Variants in MSTO1 observed in about 807,000 individuals in gnomAD.
MSTO1 encodes misato mitochondrial distribution and morphology regulator 1.
A neutral mutation model predicts 55.7 loss-of-function variants in MSTO1; 24 were observed. The observed-to-expected ratio is 0.43, with a 90% CI of 0.31 to 0.61. The LOEUF (loss-of-function observed/expected upper bound fraction) is 0.61. MSTO1 is among the 20% of genes least tolerant of loss of function. MSTO1 has a pLI of 0.09. For synonymous variants in MSTO1, 162 were observed against 252.8 expected, an observed-to-expected ratio of 0.64 and a Z score of 3.41; for missense variants, 363 against 625.7, an observed-to-expected ratio of 0.58 and a Z score of 4.48.
the MSTO1 span, among the ~76,000 whole-genome samples, chr1:155,569,498 C>T: frequency 7.3e-6 from 1 of 137,476 alleles, no homozygotes; most frequent in Non-Finnish European, 1.5e-5. Context: ...AGTGCAATGG[C>T]GCAATCTCAG....
chr1:155,587,296 C>T, the MSTO1 span, among the ~76,000 whole-genome samples: 2 of 151,404 alleles, frequency 1.3e-5, no homozygotes, highest in Non-Finnish European at 2.9e-5. Flanking sequence ...CAAAATTAGC[C>T]GGGCGTGGTG....
the MSTO1 span, among the ~76,000 whole-genome samples, chr1:155,588,110 G>A: frequency 6.6e-6 from 1 of 151,454 alleles, no homozygotes; most frequent in East Asian, 1.9e-4. Flanking sequence ...TCGGGAGGCT[G>A]TGGCAGGAGA....
the MSTO1 span, among the ~76,000 whole-genome samples, chr1:155,596,692 T>C: frequency 6.6e-6 from 1 of 152,086 alleles, no homozygotes; most frequent in African/African-American, 2.4e-5. Context: ...GAGGTTTAGC[T>C]GTAAGGATCA....
the MSTO1 span, among the ~76,000 whole-genome samples, chr1:155,589,228 G>A: frequency 2.0e-5 from 3 of 151,934 alleles, no homozygotes; most frequent in Non-Finnish European, 4.4e-5. Context: ...AACCCAAGAG[G>A]TGGAGGTTGC....
the MSTO1 span, among the ~76,000 whole-genome samples, chr1:155,573,841 A>AC: frequency 1.3e-5 from 1 of 74,268 alleles, no homozygotes; most frequent in Non-Finnish European, 3.1e-5. Flanking sequence ...TCCATCTCAC[A>AC]AAAAAAAAAA....
At chr1:155,584,881 C>T in the MSTO1 span, among the ~76,000 whole-genome samples, 1 of 151,286 alleles carries the variant, frequency 6.6e-6, no homozygotes, top group Non-Finnish European at 1.5e-5. Context: ...GCTAGGACTA[C>T]AGGCATGTGC....
At chr1:155,599,453 C>G in the MSTO1 span, among the ~76,000 whole-genome samples, 2 of 151,918 alleles carry the variant, frequency 1.3e-5, no homozygotes, top group African/African-American at 4.8e-5. Context: ...ATTCTGAGTA[C>G]CCACAGAGCC....
At chr1:155,608,791 G>A (rs920111511), upstream of MSTO1, among the ~76,000 whole-genome samples, 10 of 150,324 alleles carry the variant, frequency 6.7e-5, no homozygotes, top group South Asian at 2.1e-4. Context: ...CTTGAACCGC[G>A]GCGCCCGGCC....
chr1:155,595,820 G>A, the MSTO1 span, among the ~76,000 whole-genome samples: 3 of 152,098 alleles, frequency 2.0e-5, no homozygotes, highest in Non-Finnish European at 2.9e-5. Context: ...CTATTTTGCA[G>A]TTTTGTAAGT....
chr1:155,578,615 A>AT, the MSTO1 span, among the ~76,000 whole-genome samples: 1 of 141,658 alleles, frequency 7.1e-6, no homozygotes, highest in African/African-American at 2.6e-5. Context: ...GGTTCACGCC[A>AT]TTCTCCTGCC....
the MSTO1 span, among the ~76,000 whole-genome samples, chr1:155,586,307 T>G: frequency 2.0e-5 from 3 of 151,370 alleles, no homozygotes; most frequent in East Asian, 5.8e-4. Flanking sequence ...CCTCCCTAAG[T>G]GCTGGGATTA....
At chr1:155,595,420 T>C in the MSTO1 span, among the ~76,000 whole-genome samples, 1 of 151,786 alleles carries the variant, frequency 6.6e-6, no homozygotes, top group Non-Finnish European at 1.5e-5. Flanking sequence ...CCTCGTGATC[T>C]GCGTGCCTCG....
the MSTO1 span, among the ~76,000 whole-genome samples, chr1:155,595,117 G>A: frequency 6.9e-6 from 1 of 144,922 alleles, no homozygotes; most frequent in African/African-American, 2.6e-5. Flanking sequence ...CAGCCTGGGC[G>A]ACAGAGCGAG....
At chr1:155,605,934 T>C (rs1672927146), upstream of MSTO1, among the ~76,000 whole-genome samples, 1 of 152,250 alleles carries the variant, frequency 6.6e-6, no homozygotes. Context: ...GCCACTGTTA[T>C]GCTAATATCA....
At chr1:155,602,212 C>A in the MSTO1 span, 1 of 635,098 alleles carries the variant, frequency 1.6e-6, no homozygotes. Flanking sequence ...GGCTTTGTGG[C>A]TCACACCTGT....
At chr1:155,608,590 C>G (rs1485841368), upstream of MSTO1, among the ~76,000 whole-genome samples, 1 of 150,372 alleles carries the variant, frequency 6.7e-6, no homozygotes, top group African/African-American at 2.5e-5. Flanking sequence ...AGCTCCGCCT[C>G]CCGGGTTCAC....
At chr1:155,563,734 C>A in the MSTO1 span, 1 of 360,438 alleles carries the variant, frequency 2.8e-6, no homozygotes, top group South Asian at 2.1e-5. Flanking sequence ...AAAAAGTGTA[C>A]ATAAAAATTA....
the MSTO1 span, among the ~76,000 whole-genome samples, chr1:155,575,984 A>T: frequency 6.6e-6 from 1 of 151,248 alleles, no homozygotes; most frequent in African/African-American, 2.4e-5. Flanking sequence ...CACCACGCCC[A>T]GCTAATTTTG....
At chr1:155,571,257 A>G in the MSTO1 span, among the ~76,000 whole-genome samples, 2 of 152,224 alleles carry the variant, frequency 1.3e-5, no homozygotes, top group East Asian at 3.8e-4. Flanking sequence ...ACGGCTTTGA[A>G]TAGGGCCCAA....
Sources: gnomAD v4.1 joint callset for allele counts (sites outside exome capture counted in the v4.1 genomes callset) on GRCh38, gnomAD v4.1.1 for gene constraint, MANE v1.5 for transcripts, NCBI Gene and HGNC (gene_info 2026-07-23, HGNC 2026-07-21) for gene names.